Variants in ACOT12 observed in about 807,000 individuals in gnomAD.
The protein encoded by ACOT12 is acyl-CoA thioesterase 12.
A neutral mutation model predicts 67.7 loss-of-function variants in ACOT12; 51 were observed. The observed-to-expected ratio is 0.75, with a 90% confidence interval of 0.60 to 0.95. ACOT12 has a LOEUF of 0.95. Among genes scored for constraint, ACOT12 ranks in the 40% least tolerant of loss-of-function variants. The pLI is 0.00. For missense variants in ACOT12, 734 were observed against 708.1 expected (o/e 1.04, Z -0.41); for synonymous variants, 251 against 244.6 (o/e 1.03, Z -0.24).
At chr5:81,323,715 T>A in the ACOT12 span, among the ~76,000 whole-genome samples, 72,463 of 151,336 alleles carry the variant, frequency 0.48, 18,083 homozygotes, top group Admixed American at 0.6. Flanking sequence ...ATTGTTAATG[T>A]GTTTTGAGGA....
intron 1 of ACOT12, among the ~76,000 whole-genome samples, chr5:81,393,715 C>CA (rs149982728): frequency 0.16 from 23,460 of 151,112 alleles, 2,308 homozygotes; most frequent in Admixed American, 0.22. Flanking sequence ...ACAACAACAA[C>CA]AACAAACAAA....
intron 2 of ACOT12, among the ~76,000 whole-genome samples, chr5:81,373,296 C>T (rs1393419366): frequency 1.3e-5 from 2 of 152,158 alleles, no homozygotes; most frequent in African/African-American, 4.8e-5. Flanking sequence ...CCAAGGGAAG[C>T]CATGAAGGAC....
At chr5:81,344,601 T>C (rs1297762759) in intron 8 of ACOT12, among the ~76,000 whole-genome samples, 1 of 152,138 alleles carries the variant, frequency 6.6e-6, no homozygotes, top group Non-Finnish European at 1.5e-5. Flanking sequence ...GAGCTAGAGT[T>C]AAGGAAGTGA....
In ACOT12 at chr5:81,365,822, ACT is replaced by A. The variant is rs541091257; in HGVS notation, c.259-1935_259-1934del. Among the ~76,000 whole-genome samples, 94 of 152,238 alleles carry A rather than the reference ACT, an allele frequency of 6.2e-4. 1 individual carries two copies. Among genetic ancestry groups the A allele is most frequent in the African/African-American group, 2.2e-3 (90 of 41,532 alleles). ...GGTTAGGTTAGAGAAGAAAAACCTA[ACT>A]CTGCTGAATTGAATGGAGCTAAAAT... On this transcript the variant is annotated intron_variant, in intron 3 of 14. Coordinates refer to ENST00000307624, the MANE Select transcript of ACOT12 (RefSeq NM_130767.3).
In ACOT12 at chr5:81,393,984, C is replaced by T. The variant is rs1760936629; in HGVS notation, c.127+4G>A. ...GCCTCCCCGCAGCCCCGGCGCCCGC[C>T]TACCCGCCAGGCAGGCGGTGGTGTC... On this transcript the variant is annotated splice_donor_region_variant and intron_variant, in intron 1 of 14. Transcript: ENST00000307624. 1.5e-6 allele frequency: 2 copies of T among 1,359,998 alleles called. No individual in the cohort carries two copies. The highest frequency in any genetic ancestry group is 1.9e-6 in the Non-Finnish European group (2 of 1,061,008). The allele number at this position is 1,359,998 out of a possible 1,614,324, so 84.2% of individuals were successfully genotyped here.
chr5:81,357,635 T>A (rs765811790), intron 5 of ACOT12, among the ~76,000 whole-genome samples: 1 of 152,160 alleles, frequency 6.6e-6, no homozygotes, highest in Non-Finnish European at 1.5e-5. Context: ...TGAGATGTGA[T>A]TCAGACGAGG....
chr5:81,377,926 G>A (rs1760468594), intron 2 of ACOT12, among the ~76,000 whole-genome samples: 1 of 152,134 alleles, frequency 6.6e-6, no homozygotes. Context: ...GTAATTTATA[G>A]ATTCAATGCT....
intron 2 of ACOT12, among the ~76,000 whole-genome samples, chr5:81,374,988 G>T (rs183142322): frequency 5.8e-4 from 89 of 152,236 alleles, no homozygotes; most frequent in African/African-American, 2.1e-3. Context: ...GAAACACAGA[G>T]AATACCACAA....
Position 81,363,814 on chromosome 5 carries a change from C to A in ACOT12, c.334G>T (p.Val112Leu). The change falls in exon 4 of 15, where the codon GTA becomes TTA. Residue 112 changes from valine to leucine, a missense_variant. By Grantham distance (32) the Val-to-Leu change is conservative (BLOSUM62 1). Transcript: ENST00000307624. ...KLVSVAFSTF[V>L]AKPVGKEKIH... The stretch of plus-strand genomic sequence containing the variant: ...TTTTCTTTTCCAACTGGTTTGGCTA[C>A]AAATGTGGAGAAAGCCACACTAACA... 6.2e-7 allele frequency: 1 copy of A among 1,610,798 alleles called. No individual in the cohort carries two copies. The highest frequency in any genetic ancestry group is 8.5e-7 in the Non-Finnish European group (1 of 1,178,542).
chr5:81,320,085 A>G, the ACOT12 span, among the ~76,000 whole-genome samples: 7 of 152,186 alleles, frequency 4.6e-5, no homozygotes, highest in Admixed American at 2.0e-4. Flanking sequence ...TGAACCTCCA[A>G]TTTGTCTTAC....
At chr5:81,338,303 TC>T (rs1201851239) in intron 11 of ACOT12, among the ~76,000 whole-genome samples, 4 of 152,198 alleles carry the variant, frequency 2.6e-5, no homozygotes, top group Non-Finnish European at 5.9e-5. Context: ...CGAATTGTAA[TC>T]CCCAGTGCTG....
chr5:81,387,618 G>A (rs957473211), intron 1 of ACOT12, among the ~76,000 whole-genome samples: 13 of 148,378 alleles, frequency 8.8e-5, no homozygotes, highest in Admixed American at 4.1e-4. Context: ...CTCCAGCGTC[G>A]AACTCCTGGG....
chr5:81,356,149 T>C (rs1759706132), intron 5 of ACOT12, among the ~76,000 whole-genome samples: 1 of 152,192 alleles, frequency 6.6e-6, no homozygotes, highest in African/African-American at 2.4e-5. Context: ...TGGTAAACTG[T>C]CCCTCATCCC....
At chr5:81,310,269 T>C in the ACOT12 span, among the ~76,000 whole-genome samples, 1 of 152,178 alleles carries the variant, frequency 6.6e-6, no homozygotes, top group Non-Finnish European at 1.5e-5. Flanking sequence ...TTGTAATCTT[T>C]TGTTTACAAT....
chr5:81,359,239 CGGCACCCCT>C (rs1429037972), intron 5 of ACOT12, among the ~76,000 whole-genome samples: 1 of 152,042 alleles, frequency 6.6e-6, no homozygotes, highest in Non-Finnish European at 1.5e-5. Flanking sequence ...TGCTCTCCAC[CGGCACCCCT>C]TGGGGCTTCA....
intron 2 of ACOT12, among the ~76,000 whole-genome samples, chr5:81,384,276 C>T (rs749236176): frequency 3.3e-5 from 5 of 151,902 alleles, no homozygotes; most frequent in Non-Finnish European, 7.4e-5. Flanking sequence ...AAGCGCCCGT[C>T]ATCACAACTG....
At chr5:81,344,744 G>GA in intron 8 of ACOT12, 147 bp downstream of exon 8, 2 of 1,037,908 alleles carry the variant, frequency 1.9e-6, no homozygotes, top group Non-Finnish European at 1.4e-6. Context: ...AAAAGGAAAA[G>GA]AAAAAAGCCC....
chr5:81,393,833 C>A (rs574674597), intron 1 of ACOT12, among the ~76,000 whole-genome samples, 155 bp downstream of exon 1: 3 of 152,260 alleles, frequency 2.0e-5, no homozygotes, highest in South Asian at 2.1e-4. Context: ...CCATGCCCAG[C>A]GCGGGCGCAC....
chr5:81,376,777 A>G (rs1760428709), intron 2 of ACOT12, among the ~76,000 whole-genome samples: 1 of 152,228 alleles, frequency 6.6e-6, no homozygotes, highest in Admixed American at 6.5e-5. Flanking sequence ...AACCCTCCCA[A>G]GACTAAACTA....
Sources: allele counts gnomAD v4.1 joint callset (sites outside exome capture counted in the v4.1 genomes callset), GRCh38; gene constraint gnomAD v4.1.1; transcripts MANE v1.5; gene names NCBI Gene and HGNC (gene_info 2026-07-23, HGNC 2026-07-21).